The following AKAP13 variants were observed in gnomAD, a reference collection of about 807,000 sequenced individuals.
The protein encoded by AKAP13 is A-kinase anchor protein 13.
A neutral mutation model predicts 264.5 loss-of-function variants in AKAP13; 80 were observed. That is an observed-to-expected ratio of 0.30 (90% CI 0.25 to 0.36). The LOEUF is 0.36. Ranked by LOEUF, AKAP13 falls within the 10% of genes least tolerant of loss-of-function variation. The pLI is 1.00. For synonymous variants in AKAP13, 1,380 were observed against 1,250.2 expected (o/e 1.10, Z -2.19); for missense variants, 3,712 against 3,435.2 (o/e 1.08, Z -2.01).
At chr15:85,610,486 C>A (rs577675733) in intron 8 of AKAP13, among the ~76,000 whole-genome samples, 2 of 152,226 alleles carry the variant, frequency 1.3e-5, no homozygotes, top group African/African-American at 4.8e-5. Flanking sequence ...AGTCGTGATG[C>A]ATGGAACTCA....
At chr15:85,578,479 C>G (rs1453407657) in intron 6 of AKAP13, among the ~76,000 whole-genome samples, 4 of 152,104 alleles carry the variant, frequency 2.6e-5, no homozygotes, top group African/African-American at 9.7e-5. Flanking sequence ...TCCCAAGTAG[C>G]TGAGATTACA....
intron 17 of AKAP13, among the ~76,000 whole-genome samples, chr15:85,704,037 A>G (rs1293230691): frequency 6.6e-6 from 1 of 152,182 alleles, no homozygotes; most frequent in African/African-American, 2.4e-5. Context: ...TAGAGTTGAA[A>G]TGATAGGAGA....
chr15:85,601,612 G>GTGTGTGTGTGTGTGTGTA (rs2080079008), intron 8 of AKAP13, among the ~76,000 whole-genome samples: 1 of 143,848 alleles, frequency 7.0e-6, no homozygotes, highest in African/African-American at 2.6e-5. Context: ...AATTCTTTGT[G>GTGTGTGTGTGTGTGTGTA]TGTGTGTGTG....
At chr15:85,461,629 G>A (rs1259110331) in intron 1 of AKAP13, among the ~76,000 whole-genome samples, 1 of 151,796 alleles carries the variant, frequency 6.6e-6, no homozygotes, top group Admixed American at 6.6e-5. Flanking sequence ...GTTGTTGTTG[G>A]GGGAGGGGTG....
chr15:85,744,790 C>T lies in AKAP13; in HGVS notation c.*113C>T, dbSNP rs2089319742. On this transcript the variant is annotated 3_prime_UTR_variant, in exon 37 of 37. Transcript: ENST00000394518. The stretch of plus-strand genomic sequence containing the variant: ...TGGACGCCCACTGCTCCTCAGCGTC[C>T]AGTCCTCCTGGGCGGCCCCAGGTCC... The T allele has an allele frequency of 2.0e-6, 2 of 1,022,134 alleles. No individual in the cohort carries two copies. Among genetic ancestry groups the T allele is most frequent in the Non-Finnish European group, 2.8e-6 (2 of 705,950 alleles). The allele number at this position is 1,022,134 out of a possible 1,614,324, so 63.3% of individuals were successfully genotyped here. A position where few individuals can be genotyped will look rare whatever the true frequency, so the allele number is the denominator to read the frequency against.
At chr15:85,705,165 A>T (rs947601573) in intron 17 of AKAP13, among the ~76,000 whole-genome samples, 1 of 152,206 alleles carries the variant, frequency 6.6e-6, no homozygotes, top group Admixed American at 6.5e-5. Flanking sequence ...TTCTGCTTCT[A>T]TGTTCATCTC....
intron 17 of AKAP13, among the ~76,000 whole-genome samples, chr15:85,697,666 G>A (rs1404871336): frequency 6.6e-6 from 1 of 152,178 alleles, no homozygotes; most frequent in Non-Finnish European, 1.5e-5. Context: ...AAACAACTGA[G>A]TAAAATTTAA....
Position 85,664,755 on chromosome 15 carries a change from G to T in AKAP13, c.4992G>T (p.Gln1664His). ...GAGAACATAGGATGTTTGATCAGCA[G>T]GTAAGTCTTAAATATGTCTAATTTG... ...DQREHRMFDQ[Q>H]ICHRSKQQGF... is the part of the protein sequence containing the mutation. The change falls in exon 13 of 37, where the codon CAG (glutamine) becomes CAT (histidine). Residue 1664 changes from glutamine to histidine, a missense_variant and splice_region_variant. Physicochemically the swap from Gln to His is conservative, Grantham distance 24 (BLOSUM62 0). Transcript: ENST00000394518. The T allele has an allele frequency of 6.2e-7, 1 of 1,610,228 alleles. No homozygotes were observed. The highest frequency in any genetic ancestry group is 1.1e-5 in the South Asian group (1 of 90,308).
intron 9 of AKAP13, among the ~76,000 whole-genome samples, chr15:85,641,013 T>C (rs918881669): frequency 6.6e-6 from 1 of 152,194 alleles, no homozygotes; most frequent in Non-Finnish European, 1.5e-5. Context: ...CAGATCAGAA[T>C]TATGCTACTG....
At chr15:85,489,660 T>C (rs2075669792) in intron 2 of AKAP13, among the ~76,000 whole-genome samples, 1 of 152,186 alleles carries the variant, frequency 6.6e-6, no homozygotes, top group Non-Finnish European at 1.5e-5. Flanking sequence ...TGCTGCTAAA[T>C]AAGGAAAAAC....
At position 85,445,534 on chromosome 15, in the gene AKAP13, G is replaced by C. The variant is rs144517726; in HGVS notation, c.-11-40176G>C. The stretch of plus-strand genomic sequence containing the variant: ...TTTAATTGTATTTTTCTACCCACTT[G>C]TCATATTATGGAAGTAGTTTATATG... On this transcript the variant is annotated intron_variant, in intron 1 of 36. Transcript: ENST00000394518. Among the ~76,000 whole-genome samples, 727 of 152,272 alleles carry C rather than the reference G, an allele frequency of 4.8e-3. 5 individuals are homozygous for C. The highest frequency in any genetic ancestry group is 0.017 in the African/African-American group (692 of 41,560).
intron 2 of AKAP13, among the ~76,000 whole-genome samples, chr15:85,508,736 A>G (rs182272222): frequency 6.6e-6 from 1 of 152,048 alleles, no homozygotes; most frequent in African/African-American, 2.4e-5. Context: ...CCATATTCCA[A>G]CCTCGCCTTC....
At chr15:85,481,966 C>G (rs1241453956) in intron 1 of AKAP13, among the ~76,000 whole-genome samples, 5 of 152,210 alleles carry the variant, frequency 3.3e-5, no homozygotes, top group South Asian at 2.1e-4. Context: ...AATCTACTGA[C>G]AAAGCAAAGA....
chr15:85,709,063 A>T lies in AKAP13; in HGVS notation c.5532+977A>T, dbSNP rs553609244. On this transcript the variant is annotated intron_variant, in intron 18 of 36. Transcript: ENST00000394518. ...TAGCCAGATCTTCTTTAGCCTATGG[A>T]CACATATTTTGTTTGGCTCATGTAG... 1.6e-4 allele frequency among the ~76,000 whole-genome samples: 24 copies of T among 152,290 alleles called. 1 individual carries two copies. The South Asian group carries it at 5.0e-3, about 32-fold the overall frequency.
At chr15:85,519,087 C>G (rs987460337) in intron 2 of AKAP13, among the ~76,000 whole-genome samples, 1 of 151,720 alleles carries the variant, frequency 6.6e-6, no homozygotes, top group African/African-American at 2.4e-5. Context: ...GGTTAGAAAT[C>G]AAAGTGAATT....
intron 3 of AKAP13, among the ~76,000 whole-genome samples, chr15:85,523,868 T>C (rs959465972): frequency 2.0e-5 from 3 of 150,954 alleles, no homozygotes; most frequent in African/African-American, 7.3e-5. Context: ...TGAGTTGCAT[T>C]TTTAGCTTGG....
intron 13 of AKAP13, among the ~76,000 whole-genome samples, chr15:85,667,018 C>G (rs1462531742): frequency 1.3e-5 from 2 of 152,120 alleles, no homozygotes; most frequent in Non-Finnish European, 2.9e-5. Flanking sequence ...CTTATTTCCT[C>G]CAAATGAAAC....
intron 30 of AKAP13, among the ~76,000 whole-genome samples, chr15:85,732,939 G>A (rs1007082154): frequency 2.0e-5 from 3 of 151,888 alleles, no homozygotes; most frequent in African/African-American, 4.8e-5. Context: ...CTTGCTGTCC[G>A]CATTCTCCCG....
chr15:85,452,049 G>A (rs371271943), intron 1 of AKAP13, among the ~76,000 whole-genome samples: 1 of 151,836 alleles, frequency 6.6e-6, no homozygotes, highest in Non-Finnish European at 1.5e-5. Flanking sequence ...CGGAGGTTTT[G>A]TTCATTCCTT....
Sources: allele counts gnomAD v4.1 joint callset (sites outside exome capture counted in the v4.1 genomes callset), GRCh38; gene constraint gnomAD v4.1.1; transcripts MANE v1.5; gene names NCBI Gene and HGNC (gene_info 2026-07-23, HGNC 2026-07-21).